The following TASOR variants were observed in gnomAD, a reference collection of about 807,000 sequenced individuals.
The protein encoded by TASOR is transcription activation suppressor, also known as protein TASOR.
A neutral mutation model predicts 178.6 loss-of-function variants in TASOR; 53 were observed. That is an observed-to-expected ratio of 0.30 (90% confidence interval 0.24 to 0.37). The LOEUF (loss-of-function observed/expected upper bound fraction) is 0.37. TASOR is among the 10% of genes least tolerant of loss of function. TASOR has a pLI of 1.00. For missense variants in TASOR, 1,815 were observed against 1,971.4 expected, an observed-to-expected ratio of 0.92 and a Z score of 1.50; for synonymous variants, 713 against 696.2, an observed-to-expected ratio of 1.02 and a Z score of -0.38.
In TASOR at chr3:56,675,396, C is replaced by T. The variant is rs550874369; in HGVS notation, c.332-1671G>A. Among the ~76,000 whole-genome samples, 296 of 151,734 alleles carry T rather than the reference C, an allele frequency of 2.0e-3. 12 individuals carry two copies. In the South Asian group the frequency reaches 0.057, roughly 29 times the overall value. On this transcript the variant is annotated intron_variant, in intron 1 of 23. Coordinates refer to ENST00000683822, the MANE Select transcript of TASOR (RefSeq NM_001365635.2). ...TTCACCATGTTGGCCAGGCTGGTCTCGAACCCCTGACCTCAGGTAATCCAC... is the reference window on the plus strand; with the variant it reads ...TTCACCATGTTGGCCAGGCTGGTCTTGAACCCCTGACCTCAGGTAATCCAC...
chr3:56,671,098 T>C (rs2030681320), intron 3 of TASOR, among the ~76,000 whole-genome samples: 1 of 151,764 alleles, frequency 6.6e-6, no homozygotes, highest in Middle Eastern at 3.2e-3. Context: ...CCCAGCACTT[T>C]GGGAGGCCGA....
At chr3:56,669,826 T>C (rs2030487986) in intron 4 of TASOR, 35 bp from the exon 5 acceptor site, 1 of 1,422,392 alleles carries the variant, frequency 7.0e-7, no homozygotes, top group Non-Finnish European at 9.5e-7. Flanking sequence ...AAACTGATTA[T>C]ATTTTTCAAA....
chr3:56,624,442 T>G lies in TASOR; in HGVS notation c.4483+37A>C, dbSNP rs867705035. The stretch of plus-strand genomic sequence containing the variant: ...CAGCAAAACCATTCCTCTTTTTCTG[T>G]CTGCGTTAAAGAAAATGAAAACCAC... On this transcript the variant is annotated intron_variant, in intron 23 of 23. Coordinates refer to ENST00000683822, the MANE Select transcript of TASOR (RefSeq NM_001365635.2). The G allele has an allele frequency of 1.9e-6, 3 of 1,596,592 alleles. No individual in the cohort carries two copies. In the Middle Eastern group the frequency reaches 5.0e-4, roughly 268 times the overall value.
At chr3:56,623,610 G>A (rs2076736115) in intron 23 of TASOR, 44 bp from the exon 24 acceptor site, 1 of 1,539,556 alleles carries the variant, frequency 6.5e-7, no homozygotes, top group Non-Finnish European at 8.7e-7. Context: ...GAAATACACA[G>A]TTTGTTTAAG....
Position 56,621,290 on chromosome 3 carries a change from T to C in TASOR, c.*1747A>G. 1 of 318,170 alleles carries C rather than the reference T, an allele frequency of 3.1e-6. No homozygotes were observed. The highest frequency in any genetic ancestry group is 7.6e-5 in the South Asian group (1 of 13,076). The allele number at this position is 318,170 out of a possible 1,614,324, so 19.7% of individuals were successfully genotyped here. A position where few individuals can be genotyped will look rare whatever the true frequency, so the allele number is the denominator to read the frequency against. ...TTCATTTACCCCCATAGTTATGGAG[T>C]CTTGAGTTCTAAGAAAATTTTCATC... On this transcript the variant is annotated 3_prime_UTR_variant, in exon 24 of 24. Coordinates refer to ENST00000683822, the MANE Select transcript of TASOR (RefSeq NM_001365635.2).
intron 11 of TASOR, among the ~76,000 whole-genome samples, chr3:56,656,549 C>T (rs927659081): frequency 6.6e-6 from 1 of 152,066 alleles, no homozygotes; most frequent in Admixed American, 6.6e-5. Flanking sequence ...TGAGATCACA[C>T]CACTGCATTC....
In TASOR at chr3:56,623,500, T is replaced by C; in HGVS notation, c.4550A>G (p.His1517Arg). Residue 1517 changes from histidine to arginine, a missense_variant, in exon 24 of 24, where the codon CAT (histidine) becomes CGT (arginine). This residue lies in a region of TASOR where 278 missense variants were observed against 257.1 expected (regional missense o/e 1.08). Transcript: ENST00000683822. ...MSLDSGDEIS[H>R]IEVCSNFHSE... ...ATGAAAATTGCTGCATACTTCTATA[T>C]GTGAGATTTCATCCCCTGAATCCAG... is the stretch of plus-strand genomic sequence containing the variant. The C allele has an allele frequency of 2.5e-6, 4 of 1,611,806 alleles. No homozygotes were observed. The highest frequency in any genetic ancestry group is 2.5e-6 in the Non-Finnish European group (3 of 1,179,756).
In TASOR at chr3:56,646,615, T is replaced by C; in HGVS notation, c.2122A>G (p.Thr708Ala). The C allele has an allele frequency of 6.2e-7, 1 of 1,613,540 alleles. No homozygotes were observed. Among genetic ancestry groups the C allele is most frequent in the Non-Finnish European group, 8.5e-7 (1 of 1,180,022 alleles). Residue 708 changes from threonine (T) to alanine (A), a missense_variant, in exon 14 of 24, where the codon ACT becomes GCT. Around this residue, in one of 5 missense-constraint regions of TASOR, gnomAD observed 655 missense variants for 671.1 expected, o/e 0.98. Coordinates refer to ENST00000683822, the MANE Select transcript of TASOR (RefSeq NM_001365635.2). ...TCCTCAAGCTTCCTCTTCAAGACAG[T>C]TTTGCTTCTCATATCTTCTGTGTCT... ...DSDTEDMRSKTVLKRKLEDLP... is the reference protein window; with the variant it reads ...DSDTEDMRSKAVLKRKLEDLP...
intron 1 of TASOR, among the ~76,000 whole-genome samples, 173 bp from the exon 2 acceptor site, chr3:56,673,898 A>G (rs1167735096): frequency 6.6e-6 from 1 of 152,166 alleles, no homozygotes; most frequent in Admixed American, 6.5e-5. Flanking sequence ...AAAAAATGTA[A>G]AACTAGTTGC....
chr3:56,648,631 CAAAAAAAAAAA>C lies in TASOR; in HGVS notation c.1513+180_1513+190del, dbSNP rs56218279. On this transcript the variant is annotated intron_variant, in intron 13 of 23. Transcript: ENST00000683822. The stretch of plus-strand genomic sequence containing the variant: ...GGGCAAGAAGAGCAAAACTCTGTAT[CAAAAAAAAAAA>C]AAAAAAAAAAAAAAAAAAATTCATA... 3.9e-4 allele frequency among the ~76,000 whole-genome samples: 33 copies of C among 84,550 alleles called. 1 individual carries two copies. The highest frequency in any genetic ancestry group is 2.1e-3 in the East Asian group (7 of 3,360). The allele number at this position is 84,550 out of a possible 152,430, so 55.5% of individuals were successfully genotyped here.
At chr3:56,679,346 C>T (rs951353884) in intron 1 of TASOR, among the ~76,000 whole-genome samples, 2 of 152,140 alleles carry the variant, frequency 1.3e-5, no homozygotes, top group African/African-American at 4.8e-5. Context: ...TGGCAGGAAT[C>T]AAGAGTACAA....
At chr3:56,680,349 T>C (rs2031678190) in intron 1 of TASOR, among the ~76,000 whole-genome samples, 1 of 152,216 alleles carries the variant, frequency 6.6e-6, no homozygotes. Context: ...ATACAAGTGT[T>C]TGCCAATATT....
At chr3:56,671,106 C>G (rs549120869) in intron 3 of TASOR, among the ~76,000 whole-genome samples, 65 of 151,392 alleles carry the variant, frequency 4.3e-4, no homozygotes, top group African/African-American at 1.5e-3. Flanking sequence ...TTTGGGAGGC[C>G]GAGGTGGGTG....
In TASOR at chr3:56,643,763, A is replaced by AC. The variant is rs1559829031; in HGVS notation, c.2216-2012_2216-2011insG. 9.3e-4 allele frequency among the ~76,000 whole-genome samples: 133 copies of AC among 143,592 alleles called. 3 individuals carry two copies. The East Asian group carries it at 0.014, about 15-fold the overall frequency. 94.2% of individuals were successfully genotyped at this position (143,592 alleles called of 152,430 possible). A position where few individuals can be genotyped will look rare whatever the true frequency, so the allele number is the denominator to read the frequency against. On this transcript the variant is annotated intron_variant, in intron 14 of 23. Coordinates refer to ENST00000683822, the MANE Select transcript of TASOR (RefSeq NM_001365635.2). Reference sequence around the variant, plus strand: ...GAGCGAGACTCCGTCTCAAAAAAAAAAAAAACAAAAAAAAAAGTTAGAATA... The same window carrying AC: ...GAGCGAGACTCCGTCTCAAAAAAAAACAAAAACAAAAAAAAAAGTTAGAATA...
chr3:56,673,297 T>A (rs1360180183), intron 2 of TASOR, among the ~76,000 whole-genome samples: 1 of 152,026 alleles, frequency 6.6e-6, no homozygotes, highest in East Asian at 1.9e-4. Flanking sequence ...GCAGGTGCAG[T>A]GGCACATGAC....
In TASOR at chr3:56,641,703, C is replaced by A. The variant is rs1339754201; in HGVS notation, c.2265G>T (p.Arg755=). 4 of 1,614,176 alleles carry A rather than the reference C, an allele frequency of 2.5e-6. No homozygotes were observed. The highest frequency in any genetic ancestry group is 3.4e-6 in the Non-Finnish European group (4 of 1,180,024). Residue 755 remains arginine, a synonymous_variant, in exon 15 of 24, where the codon CGG becomes CGT. Coordinates refer to ENST00000683822, the MANE Select transcript of TASOR (RefSeq NM_001365635.2). ...GSLGHDADLR[R]QQQDTCNSGI... is the part of the protein sequence containing the mutation. ...CGGAGTTACAGGTATCCTGCTGCTGCCGCCTCAAGTCAGCATCATGTCCAA... is the reference window on the plus strand; with the variant it reads ...CGGAGTTACAGGTATCCTGCTGCTGACGCCTCAAGTCAGCATCATGTCCAA...
At chr3:56,628,059 T>A (rs2076835528) in intron 19 of TASOR, among the ~76,000 whole-genome samples, 1 of 152,180 alleles carries the variant, frequency 6.6e-6, no homozygotes, top group African/African-American at 2.4e-5. Context: ...AAAGCCTATG[T>A]GCTCGAACAG....
At chr3:56,634,480 A>G (rs1354174535) in intron 17 of TASOR, among the ~76,000 whole-genome samples, 3 of 152,204 alleles carry the variant, frequency 2.0e-5, no homozygotes, top group African/African-American at 7.2e-5. Flanking sequence ...AGGATAATTA[A>G]TTTTATCTGC....
chr3:56,627,625 G>A lies in TASOR; in HGVS notation c.3987C>T (p.Ile1329=), dbSNP rs144194243. 1.8e-4 allele frequency: 286 copies of A among 1,613,906 alleles called. No individual in the cohort carries two copies. The highest frequency in any genetic ancestry group is 2.3e-4 in the Non-Finnish European group (271 of 1,179,952). ...YNELFVSGGF[I]VSDESILNPE... ...GGTTTAGAATTGATTCATCAGATAC[G>A]ATAAAACCTCCAGATACAAATAATT... The change falls in exon 20 of 24, where the codon ATC becomes ATT. Residue 1329 remains isoleucine (I), a synonymous_variant. Coordinates refer to ENST00000683822, the MANE Select transcript of TASOR (RefSeq NM_001365635.2).
Sources: allele counts gnomAD v4.1 joint callset (sites outside exome capture counted in the v4.1 genomes callset), GRCh38; gene constraint gnomAD v4.1.1; regional missense constraint gnomAD v4.1.1; transcripts MANE v1.5; gene names NCBI Gene and HGNC (gene_info 2026-07-23, HGNC 2026-07-21).